The following RUBCN variants were observed in gnomAD, a reference collection of about 807,000 sequenced individuals.
RUBCN encodes the protein rubicon autophagy regulator.
Under a neutral mutation model 113.2 loss-of-function variants are expected in RUBCN, and 74 were observed. The observed-to-expected ratio is 0.65, with a 90% confidence interval of 0.54 to 0.79. RUBCN has a LOEUF of 0.79. Among genes scored for constraint, RUBCN ranks in the 30% least tolerant of loss-of-function variants. The pLI, the probability that RUBCN is intolerant of heterozygous loss-of-function variation, is 0.00. For missense variants in RUBCN, 1,109 were observed against 1,251.7 expected (o/e 0.89, Z 1.72); for synonymous variants, 480 against 490.0 (o/e 0.98, Z 0.27).
At position 197,694,376 on chromosome 3, in the gene RUBCN, T is replaced by C; in HGVS notation, c.1683A>G (p.Gly561=). Residue 561 remains glycine (G), a splice_region_variant and synonymous_variant, in exon 10 of 20, where the codon GGA becomes GGG. Transcript: ENST00000296343. ...LLPMYQEAEH[G]SFRVTSSSSQ... is the part of the protein sequence containing the mutation. Reference sequence around the variant, plus strand: ...GAAGCATCCACAGGCTCCACTGACTTCCGTGCTCAGCCTCCTGGTACATGG... The same window carrying C: ...GAAGCATCCACAGGCTCCACTGACTCCCGTGCTCAGCCTCCTGGTACATGG... The C allele has an allele frequency of 6.2e-7, 1 of 1,614,158 alleles. No individual in the cohort carries two copies. The highest frequency in any genetic ancestry group is 2.2e-5 in the East Asian group (1 of 44,888).
intron 11 of RUBCN, among the ~76,000 whole-genome samples, chr3:197,686,989 G>A (rs1560415395): frequency 6.6e-6 from 1 of 152,192 alleles, no homozygotes; most frequent in Admixed American, 6.5e-5. Context: ...AATTTGCTGC[G>A]TGTCCAGACA....
At chr3:197,692,754 C>A (rs1426724212) in intron 11 of RUBCN, among the ~76,000 whole-genome samples, 2 of 152,142 alleles carry the variant, frequency 1.3e-5, no homozygotes, top group Non-Finnish European at 2.9e-5. Context: ...TTCCTGAATA[C>A]CTCGAAAATG....
chr3:197,708,756 G>A (rs895402608), intron 2 of RUBCN, among the ~76,000 whole-genome samples: 5 of 152,014 alleles, frequency 3.3e-5, no homozygotes, highest in African/African-American at 1.2e-4. Flanking sequence ...CCTGTCAGTT[G>A]TACTTGTTAT....
chr3:197,693,820 TTATGTTTAAAAACAAAA>T lies in RUBCN; in HGVS notation c.1685-21_1685-5del. On this transcript the variant is annotated splice_region_variant and splice_polypyrimidine_tract_variant and intron_variant, in intron 10 of 19. Transcript: ENST00000296343. ...CTGCTGGAGGTGACCCGAAAGCCTG[TTATGTTTAAAAACAAAA>T]AGGAATAAACAGGGCAGAAAGAGGT... The T allele has an allele frequency of 6.2e-7, 1 of 1,611,242 alleles. No homozygotes were observed. The highest frequency in any genetic ancestry group is 1.1e-5 in the South Asian group (1 of 91,028).
chr3:197,742,058 G>A (rs1431681497), intron 1 of RUBCN, among the ~76,000 whole-genome samples: 1 of 151,720 alleles, frequency 6.6e-6, no homozygotes, highest in Non-Finnish European at 1.5e-5. Flanking sequence ...CTGCCGCCTG[G>A]CTAATTTTTT....
chr3:197,732,879 G>C (rs1172888288), intron 1 of RUBCN, among the ~76,000 whole-genome samples: 3 of 152,188 alleles, frequency 2.0e-5, no homozygotes, highest in African/African-American at 7.2e-5. Context: ...TTGTGGGGGA[G>C]ACCCTCGCCT....
chr3:197,691,637 AAC>A (rs1316193134), intron 11 of RUBCN, among the ~76,000 whole-genome samples: 1 of 152,158 alleles, frequency 6.6e-6, no homozygotes, highest in African/African-American at 2.4e-5. Flanking sequence ...CAACCGCAGC[AAC>A]AGTTTCTAAC....
intron 11 of RUBCN, among the ~76,000 whole-genome samples, chr3:197,690,140 TTTTAATA>T (rs1444206655): frequency 6.6e-6 from 1 of 152,216 alleles, no homozygotes; most frequent in Non-Finnish European, 1.5e-5. Flanking sequence ...ATATTAAAAG[TTTTAATA>T]AAAAGTTCTG....
Position 197,681,200 on chromosome 3 carries a change from C to T in RUBCN, c.2359G>A (p.Asp787Asn). Residue 787 changes from aspartate to asparagine, a missense_variant, in exon 16 of 20, where the codon GAT becomes AAT. By Grantham distance (23) the Asp-to-Asn change is conservative. Coordinates refer to ENST00000296343, the MANE Select transcript of RUBCN (RefSeq NM_014687.4). This position sits in a 1 kb window ranked among gnomAD's most constrained non-coding sequence, Gnocchi z 5.5. ...SKDLLIKIWNDPLFNVQDINS... is the reference protein window; with the variant it reads ...SKDLLIKIWNNPLFNVQDINS... ...ATGTCCTGCACGTTGAAGAGAGGAT[C>T]ATTCCAGATCTTAATGAGCAGGTCC... 6.2e-7 allele frequency: 1 copy of T among 1,614,156 alleles called. No homozygotes were observed. Among genetic ancestry groups the T allele is most frequent in the Non-Finnish European group, 8.5e-7 (1 of 1,180,008 alleles).
At chr3:197,698,800 C>G (rs1263005897) in intron 7 of RUBCN, among the ~76,000 whole-genome samples, 6 of 133,100 alleles carry the variant, frequency 4.5e-5, no homozygotes, top group Non-Finnish European at 1.5e-5. Flanking sequence ...CAAGACCAAC[C>G]TGGGCAATGC....
At chr3:197,727,857 G>A (rs955925452) in intron 1 of RUBCN, among the ~76,000 whole-genome samples, 3 of 152,234 alleles carry the variant, frequency 2.0e-5, no homozygotes, top group Non-Finnish European at 4.4e-5. Flanking sequence ...GTAGCAGAAT[G>A]CTTTACAAAC....
chr3:197,747,971 A>C (rs1340059418), intron 1 of RUBCN: 1 of 149,954 alleles, frequency 6.7e-6, no homozygotes, highest in African/African-American at 2.5e-5. Flanking sequence ...TTGCTGTGTC[A>C]CCCAGGCTGG....
At chr3:197,693,468 C>T (rs545327506) in intron 11 of RUBCN, among the ~76,000 whole-genome samples, 13 of 152,278 alleles carry the variant, frequency 8.5e-5, no homozygotes, top group African/African-American at 3.1e-4. Context: ...AGAAAGACAC[C>T]ACTGAGGAGG....
At chr3:197,729,344 C>T (rs1303327341) in intron 1 of RUBCN, among the ~76,000 whole-genome samples, 2 of 151,866 alleles carry the variant, frequency 1.3e-5, no homozygotes, top group African/African-American at 2.4e-5. Flanking sequence ...GTTCTGCCTC[C>T]CGGGCTCACG....
chr3:197,712,089 A>C (rs1401455732), intron 2 of RUBCN, among the ~76,000 whole-genome samples: 5 of 152,070 alleles, frequency 3.3e-5, no homozygotes, highest in African/African-American at 1.2e-4. Context: ...TTTTAATTGG[A>C]CCATCTATGC....
At position 197,671,897 on chromosome 3, in the gene RUBCN, T is replaced by C. The variant is rs1311168744; in HGVS notation, c.*3121A>G. On this transcript the variant is annotated 3_prime_UTR_variant, in exon 20 of 20. Transcript: ENST00000296343. ...CTTGATGTGTGTGGTCCAGTTTGCTTTACATTATAACACAGAAACCTTCTC... is the reference window on the plus strand; with the variant it reads ...CTTGATGTGTGTGGTCCAGTTTGCTCTACATTATAACACAGAAACCTTCTC... 1 of 152,222 alleles carries C rather than the reference T, an allele frequency of 6.6e-6. No individual in the cohort carries two copies. The highest frequency in any genetic ancestry group is 1.5e-5 in the Non-Finnish European group (1 of 68,044). The allele number at this position is 152,222 out of a possible 1,614,324, so 9.4% of individuals were successfully genotyped here. A position where few individuals can be genotyped will look rare whatever the true frequency, so the allele number is the denominator to read the frequency against.
Position 197,670,222 on chromosome 3 carries a change from T to C in RUBCN, c.*4796A>G, listed in dbSNP as rs1224772998. On this transcript the variant is annotated 3_prime_UTR_variant, in exon 20 of 20. Coordinates refer to ENST00000296343, the MANE Select transcript of RUBCN (RefSeq NM_014687.4). ...ATTTTTATAACTGTCATTTTGATGG[T>C]TGCATCAATTTTTTTATTTTCCATT... is the stretch of plus-strand genomic sequence containing the variant. Among the ~76,000 whole-genome samples, 1 of 152,232 alleles carries C rather than the reference T, an allele frequency of 6.6e-6. No homozygotes were observed. The highest frequency in any genetic ancestry group is 1.5e-5 in the Non-Finnish European group (1 of 68,032).
Position 197,675,318 on chromosome 3 carries a change from C to A in RUBCN, c.2740+104G>T, listed in dbSNP as rs1038117960. On this transcript the variant is annotated intron_variant, in intron 19 of 19. Transcript: ENST00000296343. This position sits in a 1 kb window ranked among gnomAD's most constrained non-coding sequence, Gnocchi z 4.4. ...CGTGGTGTCCCCTGGGGAGGCCCCG[C>A]GAGGTGCTGAGTGGCACCGAACTCT... is the stretch of plus-strand genomic sequence containing the variant. The A allele has an allele frequency of 6.6e-7, 1 of 1,504,826 alleles. No individual in the cohort carries two copies. The allele number at this position is 1,504,826 out of a possible 1,614,324, so 93.2% of individuals were successfully genotyped here.
At chr3:197,677,330 C>G (rs1367768166) in intron 17 of RUBCN, 150 bp downstream of exon 17, 11 of 741,858 alleles carry the variant, frequency 1.5e-5, no homozygotes, top group African/African-American at 5.2e-5. Flanking sequence ...GACACAGATA[C>G]AGTTACTGCT....
Sources: gnomAD v4.1 joint callset for allele counts (sites outside exome capture counted in the v4.1 genomes callset) on GRCh38, gnomAD v4.1.1 for gene constraint, Gnocchi (gnomAD v3.1) non-coding constraint, MANE v1.5 for transcripts, NCBI Gene and HGNC (gene_info 2026-07-23, HGNC 2026-07-21) for gene names.